MACROD2: variants seen among roughly 807,000 people sequenced by gnomAD.
MACROD2 encodes ADP-ribose glycohydrolase MACROD2.
In MACROD2, 36 loss-of-function variants were observed where a neutral mutation model predicts 70.4. The observed-to-expected ratio is 0.51, with a 90% CI of 0.39 to 0.68. The LOEUF (loss-of-function observed/expected upper bound fraction) is 0.68. Ranked by LOEUF, MACROD2 falls within the 30% of genes least tolerant of loss-of-function variation. The pLI is 0.00. For synonymous variants in MACROD2, 172 were observed against 178.8 expected, an observed-to-expected ratio of 0.96 and a Z score of 0.30; for missense variants, 496 against 538.4, an observed-to-expected ratio of 0.92 and a Z score of 0.78.
chr20:14,337,687 G>C, intron 3 of MACROD2: 1 of 396,390 alleles, frequency 2.5e-6, no homozygotes, highest in Non-Finnish European at 4.4e-6. Flanking sequence ...TCATAGATGG[G>C]CAGGACTTAG....
intron 7 of MACROD2, among the ~76,000 whole-genome samples, chr20:15,439,160 A>G (rs1308214376): frequency 6.6e-6 from 1 of 152,116 alleles, no homozygotes; most frequent in Non-Finnish European, 1.5e-5. Context: ...ACTCAGGAAC[A>G]TACAGGTCAG....
At chr20:15,337,854 G>A (rs2078065884) in intron 6 of MACROD2, among the ~76,000 whole-genome samples, 1 of 151,648 alleles carries the variant, frequency 6.6e-6, no homozygotes, top group Non-Finnish European at 1.5e-5. Context: ...ATTTTTGAAG[G>A]CCATTAGGGC....
At chr20:14,919,134 G>T (rs963964734) in intron 5 of MACROD2, among the ~76,000 whole-genome samples, 3 of 152,160 alleles carry the variant, frequency 2.0e-5, no homozygotes, top group African/African-American at 7.2e-5. Context: ...CTCACAAATA[G>T]ATGGATACCG....
At chr20:15,513,817 A>G (rs2047532582) in intron 8 of MACROD2, among the ~76,000 whole-genome samples, 1 of 152,222 alleles carries the variant, frequency 6.6e-6, no homozygotes, top group South Asian at 2.1e-4. Context: ...CTAAAAATAC[A>G]GTCATGTGCC....
chr20:14,787,360 A>G (rs1473139159), intron 5 of MACROD2, among the ~76,000 whole-genome samples: 1 of 152,066 alleles, frequency 6.6e-6, no homozygotes, highest in African/African-American at 2.4e-5. Flanking sequence ...ACAGAAAAGA[A>G]CATCTGTCAT....
intron 3 of MACROD2, among the ~76,000 whole-genome samples, chr20:14,097,216 C>T (rs887229177): frequency 4.6e-5 from 7 of 152,124 alleles, no homozygotes; most frequent in African/African-American, 4.8e-5. Context: ...TAGTCTTATA[C>T]CAAACCCATT....
chr20:14,030,097 A>G (rs1291495212), intron 2 of MACROD2, among the ~76,000 whole-genome samples: 20 of 152,162 alleles, frequency 1.3e-4, no homozygotes, highest in Admixed American at 1.3e-3. Context: ...CAGTGATGCG[A>G]TCTTAGCTCA....
intron 4 of MACROD2, among the ~76,000 whole-genome samples, chr20:14,534,874 G>A (rs932657170): frequency 6.6e-6 from 1 of 151,754 alleles, no homozygotes; most frequent in Non-Finnish European, 1.5e-5. Context: ...AGTAGGGGAA[G>A]GATAGTTTTT....
chr20:14,545,412 A>G (rs2085481209), intron 4 of MACROD2, among the ~76,000 whole-genome samples: 2 of 152,230 alleles, frequency 1.3e-5, no homozygotes, highest in South Asian at 2.1e-4. Flanking sequence ...TACAGCCTAC[A>G]GGATCAGATT....
At chr20:14,898,347 T>G (rs1383046128) in intron 5 of MACROD2, among the ~76,000 whole-genome samples, 9 of 152,232 alleles carry the variant, frequency 5.9e-5, no homozygotes, top group East Asian at 5.8e-4. Flanking sequence ...TCCAAATAAA[T>G]TTAAGCTTAG....
intron 8 of MACROD2, among the ~76,000 whole-genome samples, chr20:15,745,973 A>G (rs1357040751): frequency 6.6e-6 from 1 of 151,998 alleles, no homozygotes; most frequent in East Asian, 1.9e-4. Context: ...CTTACCTTTT[A>G]GTTTTTGTTT....
At chr20:14,440,622 C>T (rs1340928044) in intron 3 of MACROD2, among the ~76,000 whole-genome samples, 3 of 152,114 alleles carry the variant, frequency 2.0e-5, no homozygotes, top group East Asian at 1.9e-4. Flanking sequence ...GAAAATGAGA[C>T]GTCTGTAGAA....
intron 5 of MACROD2, among the ~76,000 whole-genome samples, chr20:15,094,860 A>G (rs2075817092): frequency 6.6e-6 from 1 of 152,124 alleles, no homozygotes; most frequent in African/African-American, 2.4e-5. Context: ...AAATTAACAT[A>G]GGGACATCAA....
chr20:14,285,688 G>A (rs144831325), intron 3 of MACROD2, among the ~76,000 whole-genome samples: 1 of 152,110 alleles, frequency 6.6e-6, no homozygotes, highest in East Asian at 1.9e-4. Flanking sequence ...TTTATGGGAA[G>A]GTTGTATCAT....
chr20:14,415,152 A>G (rs2083790362), intron 3 of MACROD2, among the ~76,000 whole-genome samples: 1 of 152,176 alleles, frequency 6.6e-6, no homozygotes, highest in Non-Finnish European at 1.5e-5. Context: ...AGTTTTTAAA[A>G]CTTGTCAGCA....
At chr20:14,741,550 A>G (rs1408618693) in intron 5 of MACROD2, among the ~76,000 whole-genome samples, 3 of 152,154 alleles carry the variant, frequency 2.0e-5, no homozygotes, top group Non-Finnish European at 4.4e-5. Context: ...ATATTTGCTG[A>G]TATCATTCTA....
chr20:14,100,817 A>G (rs1338292144), intron 3 of MACROD2, among the ~76,000 whole-genome samples: 1 of 140,412 alleles, frequency 7.1e-6, no homozygotes, highest in African/African-American at 2.6e-5. Flanking sequence ...ATAATCATAT[A>G]TCATATATAA....
At chr20:15,222,738 G>A (rs368432401) in intron 5 of MACROD2, among the ~76,000 whole-genome samples, 29 of 152,304 alleles carry the variant, frequency 1.9e-4, no homozygotes, top group South Asian at 6.2e-4. Flanking sequence ...TGAATGTAGC[G>A]CAGTTGCTTC....
intron 10 of MACROD2, among the ~76,000 whole-genome samples, chr20:15,931,906 G>A (rs1395782905): frequency 3.3e-5 from 5 of 152,084 alleles, no homozygotes; most frequent in African/African-American, 1.2e-4. Flanking sequence ...TGCTTCTGAG[G>A]CTTTTGTTTC....
Sources: allele counts gnomAD v4.1 joint callset (sites outside exome capture counted in the v4.1 genomes callset), GRCh38; gene constraint gnomAD v4.1.1; transcripts MANE v1.5; gene names NCBI Gene and HGNC (gene_info 2026-07-23, HGNC 2026-07-21).